MTR: variants seen among roughly 807,000 people sequenced by gnomAD.
MTR encodes the protein 5-methyltetrahydrofolate-homocysteine methyltransferase, also known as methionine synthase.
MTR carries 84 observed loss-of-function variants against 154.8 expected under a neutral mutation model. That is an observed-to-expected ratio of 0.54 (90% confidence interval 0.45 to 0.65). The LOEUF is 0.65. Ranked by LOEUF, MTR falls within the 30% of genes least tolerant of loss-of-function variation. The pLI, the probability that MTR is intolerant of heterozygous loss-of-function variation, is 0.00. For missense variants in MTR, 1,275 were observed against 1,570.2 expected, an observed-to-expected ratio of 0.81 and a Z score of 3.18; for synonymous variants, 554 against 553.9, an observed-to-expected ratio of 1.00 and a Z score of 0.00.
At chr1:236,839,695 T>C (rs1663119129) in intron 15 of MTR, among the ~76,000 whole-genome samples, 1 of 152,216 alleles carries the variant, frequency 6.6e-6, no homozygotes, top group South Asian at 2.1e-4. Context: ...TTTCTTATGA[T>C]TAAGCCCTTC....
chr1:236,796,491 A>C, intron 1 of MTR, among the ~76,000 whole-genome samples: 1 of 152,220 alleles, frequency 6.6e-6, no homozygotes, highest in East Asian at 1.9e-4. Context: ...AGAATTAGTG[A>C]TAAGTACAAA....
At chr1:236,800,081 AG>A in intron 1 of MTR, 9 of 985,274 alleles carry the variant, frequency 9.1e-6, no homozygotes, top group Non-Finnish European at 1.1e-5. Flanking sequence ...GAATACAGTA[AG>A]GGCCCCATGG....
chr1:236,811,383 T>TA (rs1268788051), intron 5 of MTR, among the ~76,000 whole-genome samples: 1 of 152,138 alleles, frequency 6.6e-6, no homozygotes, highest in South Asian at 2.1e-4. Context: ...TAAACATACT[T>TA]ATATTGAGAT....
chr1:236,854,823 A>G (rs561770267), intron 18 of MTR, among the ~76,000 whole-genome samples: 15 of 152,088 alleles, frequency 9.9e-5, no homozygotes, highest in Non-Finnish European at 1.2e-4. Context: ...ACTAGCTTTC[A>G]TTTCTGTATG....
At chr1:236,826,456 C>G (rs547866756) in intron 10 of MTR, among the ~76,000 whole-genome samples, 5 of 152,188 alleles carry the variant, frequency 3.3e-5, no homozygotes, top group African/African-American at 1.2e-4. Flanking sequence ...CCACCATGCC[C>G]AGCTAATTTT....
At chr1:236,840,110 A>G (rs1243421243) in intron 15 of MTR, among the ~76,000 whole-genome samples, 2 of 152,142 alleles carry the variant, frequency 1.3e-5, no homozygotes, top group African/African-American at 2.4e-5. Flanking sequence ...TTTGTTTTGT[A>G]TTTTTGGAAT....
intron 29 of MTR, among the ~76,000 whole-genome samples, chr1:236,892,282 G>A (rs1255103275): frequency 3.9e-5 from 6 of 151,980 alleles, no homozygotes; most frequent in East Asian, 1.9e-4. Flanking sequence ...GACTAGCCCC[G>A]GCAAGATGGC....
chr1:236,823,431 C>G (rs1315830284), intron 8 of MTR, among the ~76,000 whole-genome samples: 1 of 152,200 alleles, frequency 6.6e-6, no homozygotes, highest in Non-Finnish European at 1.5e-5. Context: ...CCTATATTAA[C>G]TAAACTGCAG....
In MTR at chr1:236,861,097, CT is replaced by C. The variant is rs397974349; in HGVS notation, c.2044-12del. On this transcript the variant is annotated intron_variant, in intron 19 of 32. Transcript: ENST00000366577. ...ATTTTTTTTTTCTTTCTTTCTTTTTCTTTTTTTTTTTTTTTTGTCTTTTTTA... is the reference window on the plus strand; with the variant it reads ...ATTTTTTTTTTCTTTCTTTCTTTTTCTTTTTTTTTTTTTTTGTCTTTTTTA... 181,491 of 1,108,700 alleles carry C rather than the reference CT, an allele frequency of 0.16. 29 individuals are homozygous for C. Among genetic ancestry groups the C allele is most frequent in the Non-Finnish European group, 0.18 (149,218 of 828,406 alleles). The allele number at this position is 1,108,700 out of a possible 1,614,324, so 68.7% of individuals were successfully genotyped here. A position where few individuals can be genotyped will look rare whatever the true frequency, so the allele number is the denominator to read the frequency against.
intron 8 of MTR, 108 bp from the exon 9 acceptor site, chr1:236,824,011 G>T (rs1392915831): frequency 1.1e-6 from 1 of 925,072 alleles, no homozygotes; most frequent in Non-Finnish European, 1.7e-6. Flanking sequence ...TTTGAATGAG[G>T]AGATTTATTA....
At chr1:236,855,428 A>T (rs1664147058) in intron 18 of MTR, among the ~76,000 whole-genome samples, 1 of 152,128 alleles carries the variant, frequency 6.6e-6, no homozygotes, top group African/African-American at 2.4e-5. Flanking sequence ...TACATGGAGG[A>T]TCTTTATTAA....
chr1:236,854,207 A>G (rs1037223385), intron 18 of MTR, among the ~76,000 whole-genome samples: 1 of 152,232 alleles, frequency 6.6e-6, no homozygotes, highest in Non-Finnish European at 1.5e-5. Flanking sequence ...TACTGGTAGT[A>G]AGACTTAGAT....
At chr1:236,825,979 T>C (rs1662266129) in intron 10 of MTR, among the ~76,000 whole-genome samples, 1 of 152,180 alleles carries the variant, frequency 6.6e-6, no homozygotes, top group South Asian at 2.1e-4. Context: ...AGACAATCTT[T>C]CCAATACTCT....
At chr1:236,840,753 T>C (rs182949511) in intron 15 of MTR, among the ~76,000 whole-genome samples, 2 of 152,370 alleles carry the variant, frequency 1.3e-5, no homozygotes, top group African/African-American at 4.8e-5. Flanking sequence ...TATGTTTTAC[T>C]TACTATTATT....
intron 30 of MTR, chr1:236,895,037 A>G (rs1016317481): frequency 7.4e-6 from 3 of 407,522 alleles, no homozygotes; most frequent in Non-Finnish European, 1.4e-5. Context: ...TAGCAGCTGT[A>G]TGGTCCCAGC....
intron 18 of MTR, among the ~76,000 whole-genome samples, chr1:236,857,013 A>G (rs546146018): frequency 1.3e-5 from 2 of 152,358 alleles, no homozygotes; most frequent in East Asian, 1.9e-4. Flanking sequence ...TCTTTATAGT[A>G]GAATGATTTA....
intron 18 of MTR, among the ~76,000 whole-genome samples, chr1:236,854,049 G>A (rs1664062988): frequency 6.6e-6 from 1 of 152,188 alleles, no homozygotes; most frequent in African/African-American, 2.4e-5. Flanking sequence ...TGTGTCTCTT[G>A]CCAACTTTGT....
At chr1:236,817,340 ACTT>A (rs1346035241) in intron 8 of MTR, among the ~76,000 whole-genome samples, 4 of 150,168 alleles carry the variant, frequency 2.7e-5, no homozygotes, top group African/African-American at 7.4e-5. Flanking sequence ...CACTCTGCTG[ACTT>A]CTTCTTAGCC....
intron 2 of MTR, among the ~76,000 whole-genome samples, chr1:236,804,924 A>G (rs1295148083): frequency 6.7e-6 from 1 of 149,774 alleles, no homozygotes; most frequent in South Asian, 2.1e-4. Context: ...TTTTTTTTTT[A>G]CTTAACAATA....
Sources: allele counts gnomAD v4.1 joint callset (sites outside exome capture counted in the v4.1 genomes callset), GRCh38; gene constraint gnomAD v4.1.1; transcripts MANE v1.5; gene names NCBI Gene and HGNC (gene_info 2026-07-23, HGNC 2026-07-21).